Variants in EPM2A observed in about 807,000 individuals in gnomAD.
EPM2A encodes laforin.
Under a neutral mutation model 26.5 loss-of-function variants are expected in EPM2A, and 21 were observed. That is an observed-to-expected ratio of 0.79 (90% CI 0.56 to 1.14). The LOEUF is 1.14. Ranked by LOEUF, EPM2A falls within the 50% of genes most tolerant of loss-of-function variation. EPM2A has a pLI of 0.00. For missense variants in EPM2A, 458 were observed against 440.8 expected (o/e 1.04, Z -0.35); for synonymous variants, 217 against 177.6 (o/e 1.22, Z -1.76).
intron 4 of EPM2A, among the ~76,000 whole-genome samples, chr6:145,421,807 T>C (rs1416744057): frequency 6.6e-6 from 1 of 151,390 alleles, no homozygotes; most frequent in African/African-American, 2.4e-5. Context: ...AACAAGATGA[T>C]TGGTCAAACT....
intron 2 of EPM2A, among the ~76,000 whole-genome samples, chr6:145,662,456 A>G (rs1268682338): frequency 4.6e-5 from 7 of 151,398 alleles, no homozygotes; most frequent in Non-Finnish European, 1.0e-4. Flanking sequence ...CAAAAAAATC[A>G]TTTAATGATA....
intron 2 of EPM2A, among the ~76,000 whole-genome samples, chr6:145,565,614 T>C (rs1032641242): frequency 6.6e-6 from 1 of 152,188 alleles, no homozygotes; most frequent in African/African-American, 2.4e-5. Context: ...ATTTGCTCTC[T>C]GAGCCAGACA....
At chr6:145,573,557 CCT>C (rs1435811922) in intron 2 of EPM2A, among the ~76,000 whole-genome samples, 1 of 152,198 alleles carries the variant, frequency 6.6e-6, no homozygotes, top group Non-Finnish European at 1.5e-5. Flanking sequence ...AATCACCACC[CCT>C]GTGTCTTTCA....
intron 2 of EPM2A, among the ~76,000 whole-genome samples, chr6:145,577,587 C>A (rs1781051851): frequency 6.6e-6 from 1 of 151,220 alleles, no homozygotes; most frequent in African/African-American, 2.4e-5. Flanking sequence ...GACCCCCCCC[C>A]AATACAATAA....
At chr6:145,427,690 AATG>A (rs1199411952) in intron 4 of EPM2A, among the ~76,000 whole-genome samples, 8 of 152,302 alleles carry the variant, frequency 5.3e-5, no homozygotes, top group African/African-American at 1.7e-4. Flanking sequence ...ACAAGAAAAA[AATG>A]ATGATGGCCC....
rs551071462 is a variant in EPM2A at position 145,626,674 on chromosome 6, C to A, written c.*742G>T. 1.2e-5 allele frequency: 12 copies of A among 980,538 alleles called. No homozygotes were observed. The highest frequency in any genetic ancestry group is 1.1e-4 in the East Asian group (1 of 8,792). 60.7% of individuals were successfully genotyped at this position (980,538 alleles called of 1,614,324 possible). ...AGCTTGCCCTTGACTGGTCATGAGA[C>A]CTTGGACAAGCTACCTATGCTCATT... On this transcript the variant is annotated 3_prime_UTR_variant, in exon 4 of 4. Transcript: ENST00000367519.
chr6:145,457,518 A>G (rs1779277682), intron 4 of EPM2A, among the ~76,000 whole-genome samples: 2 of 151,856 alleles, frequency 1.3e-5, no homozygotes, highest in Admixed American at 6.6e-5. Flanking sequence ...AAAAATATAT[A>G]ATTCTGCCTT....
At chr6:145,520,337 A>G (rs1249383470) in intron 2 of EPM2A, among the ~76,000 whole-genome samples, 4 of 152,042 alleles carry the variant, frequency 2.6e-5, no homozygotes, top group Non-Finnish European at 4.4e-5. Context: ...CCTTCACCTC[A>G]TTTGCTTTCT....
At chr6:145,661,803 G>T (rs13206047) in intron 2 of EPM2A, among the ~76,000 whole-genome samples, 3,430 of 152,150 alleles carry the variant, frequency 0.023, 48 homozygotes, top group Admixed American at 0.031. Context: ...CCCCTCAACT[G>T]TAAATAACCA....
intron 4 of EPM2A, among the ~76,000 whole-genome samples, chr6:145,407,266 A>G (rs1778581756): frequency 6.6e-6 from 1 of 152,174 alleles, no homozygotes; most frequent in Non-Finnish European, 1.5e-5. Flanking sequence ...TAAGTATTTA[A>G]AACACTGGCT....
At chr6:145,479,779 T>G (rs6910793) in intron 4 of EPM2A, among the ~76,000 whole-genome samples, 17,159 of 151,940 alleles carry the variant, frequency 0.11, 2,185 homozygotes, top group African/African-American at 0.31. Context: ...ACCTAGCAGT[T>G]GAGTTGATGA....
At position 145,625,802 on chromosome 6, in the gene EPM2A, C is replaced by T. The variant is rs1775768293; in HGVS notation, c.*1614G>A. The T allele has an allele frequency of 1.3e-6, 2 of 1,518,346 alleles. No homozygotes were observed. The highest frequency in any genetic ancestry group is 1.8e-6 in the Non-Finnish European group (2 of 1,109,558). 94.1% of individuals were successfully genotyped at this position (1,518,346 alleles called of 1,614,324 possible). ...GTCCTCTGAGCTCCACTGAAACTTA[C>T]CTTGTATCCTTCTTGTCCCCCACGC... On this transcript the variant is annotated 3_prime_UTR_variant, in exon 4 of 4. Transcript: ENST00000367519.
At chr6:145,527,367 T>C (rs987654487) in intron 2 of EPM2A, among the ~76,000 whole-genome samples, 1 of 152,240 alleles carries the variant, frequency 6.6e-6, no homozygotes, top group East Asian at 1.9e-4. Context: ...CAATGATCTG[T>C]CAAATGCTGT....
intron 4 of EPM2A, among the ~76,000 whole-genome samples, chr6:145,388,009 T>C (rs117999636): frequency 0.011 from 1,692 of 152,286 alleles, 12 homozygotes; most frequent in Admixed American, 0.02. Context: ...CAGGCATATA[T>C]GTTTGTCCCA....
chr6:145,732,236 T>TGCGCGC (rs1554269057), intron 1 of EPM2A, among the ~76,000 whole-genome samples: 1 of 132,146 alleles, frequency 7.6e-6, no homozygotes, highest in Admixed American at 7.6e-5. Flanking sequence ...TGTGTGTGTG[T>TGCGCGC]GCGCGCCAAA....
chr6:145,520,490 C>T (rs1450097230), intron 2 of EPM2A, among the ~76,000 whole-genome samples: 1 of 152,164 alleles, frequency 6.6e-6, no homozygotes, highest in East Asian at 1.9e-4. Flanking sequence ...TTAATCTCTC[C>T]CTGGAATACT....
chr6:145,614,586 G>C (rs575073920), intron 2 of EPM2A, among the ~76,000 whole-genome samples: 8 of 152,158 alleles, frequency 5.3e-5, no homozygotes, highest in African/African-American at 1.9e-4. Flanking sequence ...TGAGCACTTA[G>C]AGGGTATTGC....
chr6:145,642,573 C>T (rs976447152), intron 2 of EPM2A, among the ~76,000 whole-genome samples: 2 of 152,096 alleles, frequency 1.3e-5, no homozygotes, highest in Admixed American at 1.3e-4. Context: ...CAAATGTATA[C>T]ATTAGATAGA....
At chr6:145,731,378 A>G (rs1776476406) in intron 1 of EPM2A, among the ~76,000 whole-genome samples, 1 of 152,218 alleles carries the variant, frequency 6.6e-6, no homozygotes, top group Non-Finnish European at 1.5e-5. Context: ...AAGGACTACC[A>G]GATACTGGAG....
Sources: gnomAD v4.1 joint callset for allele counts (sites outside exome capture counted in the v4.1 genomes callset) on GRCh38, gnomAD v4.1.1 for gene constraint, MANE v1.5 for transcripts, NCBI Gene and HGNC (gene_info 2026-07-23, HGNC 2026-07-21) for gene names.